Variants in GPHN observed in about 807,000 individuals in gnomAD.
GPHN encodes the protein gephyrin.
Under a neutral mutation model 95.5 loss-of-function variants are expected in GPHN, and 17 were observed. That is an observed-to-expected ratio of 0.18 (90% CI 0.12 to 0.27). The LOEUF is 0.27. GPHN is among the 10% of genes least tolerant of loss of function. GPHN has a pLI of 1.00. For missense variants in GPHN, 660 were observed against 978.1 expected, an observed-to-expected ratio of 0.67 and a Z score of 4.34; for synonymous variants, 320 against 322.5, an observed-to-expected ratio of 0.99 and a Z score of 0.08.
rs2076117352 is a variant in GPHN at position 67,067,668 on chromosome 14, C to T, written c.1144+8882C>T. Among the ~76,000 whole-genome samples the T allele has an allele frequency of 2.0e-5, 3 of 152,090 alleles. No individual in the cohort carries two copies. The South Asian group carries it at 6.2e-4, about 32-fold the overall frequency. ...CTCAAGCCTCAGCAATGGTGGATGCCCCTCCCCCCGCCAGGCTGCAGCCTG... is the reference window on the plus strand; with the variant it reads ...CTCAAGCCTCAGCAATGGTGGATGCTCCTCCCCCCGCCAGGCTGCAGCCTG... On this transcript the variant is annotated intron_variant, in intron 11 of 22. Coordinates refer to ENST00000478722, the MANE Select transcript of GPHN (RefSeq NM_020806.5).
At chr14:67,712,047 G>T in the GPHN span, among the ~76,000 whole-genome samples, 2 of 152,126 alleles carry the variant, frequency 1.3e-5, no homozygotes, top group African/African-American at 4.8e-5. Flanking sequence ...AGCCCCCTGA[G>T]TAGTTGGGAT....
At chr14:67,303,534 G>C in the GPHN span, 1 of 1,613,010 alleles carries the variant, frequency 6.2e-7, no homozygotes, top group Non-Finnish European at 8.5e-7. Context: ...TGATATGCAT[G>C]GTACTTTGAC....
chr14:66,985,408 A>T (rs1162312470), intron 9 of GPHN, among the ~76,000 whole-genome samples: 1 of 152,080 alleles, frequency 6.6e-6, no homozygotes, highest in South Asian at 2.1e-4. Context: ...ACTACTCCAG[A>T]TACTGCTTCA....
intron 3 of GPHN, among the ~76,000 whole-genome samples, chr14:66,822,358 C>T (rs1222678149): frequency 6.6e-6 from 1 of 152,210 alleles, no homozygotes; most frequent in African/African-American, 2.4e-5. Context: ...TTTTCAGTTG[C>T]TGGCTACATT....
At chr14:66,633,180 G>A (rs1387228512) in intron 1 of GPHN, among the ~76,000 whole-genome samples, 5 of 151,904 alleles carry the variant, frequency 3.3e-5, no homozygotes, top group Admixed American at 1.3e-4. Flanking sequence ...TTCTGATTAG[G>A]CCATTTTCTT....
intron 1 of GPHN, among the ~76,000 whole-genome samples, chr14:66,534,883 A>T (rs1252816128): frequency 6.6e-6 from 1 of 152,142 alleles, no homozygotes; most frequent in African/African-American, 2.4e-5. Flanking sequence ...TATTCTGAAT[A>T]TGAGACCTTT....
At chr14:67,580,761 G>C in the GPHN span, 1 of 575,428 alleles carries the variant, frequency 1.7e-6, no homozygotes. Context: ...CTGTTTGTGA[G>C]GGAGCTGCTG....
chr14:67,280,826 T>TCCTC, the GPHN span, among the ~76,000 whole-genome samples: 2 of 129,692 alleles, frequency 1.5e-5, no homozygotes, highest in African/African-American at 6.7e-5. Context: ...CTTCCTTCCT[T>TCCTC]CCTTCCTTCC....
chr14:67,366,701 T>C, the GPHN span, among the ~76,000 whole-genome samples: 3,161 of 152,314 alleles, frequency 0.021, 43 homozygotes, highest in Middle Eastern at 0.034. Flanking sequence ...TAGAGAATTA[T>C]GTCCTCCTAG....
At chr14:67,443,280 T>C in the GPHN span, among the ~76,000 whole-genome samples, 202 of 152,260 alleles carry the variant, frequency 1.3e-3, no homozygotes, top group African/African-American at 4.7e-3. Context: ...ATTACAAATC[T>C]ATTTGTTTTA....
chr14:67,628,480 A>G, the GPHN span, among the ~76,000 whole-genome samples: 25 of 152,374 alleles, frequency 1.6e-4, no homozygotes, highest in South Asian at 1.9e-3. Context: ...AGGGAAATCT[A>G]TAATAGACAC....
the GPHN span, among the ~76,000 whole-genome samples, chr14:67,568,519 T>C: frequency 4.6e-4 from 70 of 152,074 alleles, no homozygotes; most frequent in Non-Finnish European, 8.7e-4. Flanking sequence ...TGATGGGTTG[T>C]TAGGTGCAGT....
At chr14:66,510,231 A>C (rs1193514287) in intron 1 of GPHN, among the ~76,000 whole-genome samples, 2 of 152,226 alleles carry the variant, frequency 1.3e-5, no homozygotes, top group African/African-American at 4.8e-5. Context: ...TCTACCCTCA[A>C]CTTGCACTTT....
At chr14:67,726,641 C>A in the GPHN span, among the ~76,000 whole-genome samples, 2 of 152,230 alleles carry the variant, frequency 1.3e-5, no homozygotes, top group Non-Finnish European at 2.9e-5. Context: ...CAAATGTTAT[C>A]TTCCCTGACT....
chr14:67,485,030 A>G, the GPHN span, among the ~76,000 whole-genome samples: 2 of 152,240 alleles, frequency 1.3e-5, no homozygotes, highest in Admixed American at 6.5e-5. Context: ...TCCCATTTCT[A>G]CTACTACAGA....
chr14:66,958,754 A>G (rs72730425), intron 8 of GPHN, among the ~76,000 whole-genome samples: 3,686 of 152,306 alleles, frequency 0.024, 72 homozygotes, highest in Non-Finnish European at 0.036. Context: ...CCATTATGCA[A>G]TGCATGATTC....
At chr14:66,960,339 T>A (rs1289569845) in intron 8 of GPHN, among the ~76,000 whole-genome samples, 1 of 151,746 alleles carries the variant, frequency 6.6e-6, no homozygotes, top group Admixed American at 6.6e-5. Context: ...TGCTTCATAA[T>A]TTTTTGTTGA....
the GPHN span, among the ~76,000 whole-genome samples, chr14:67,704,723 T>C: frequency 6.6e-6 from 1 of 152,196 alleles, no homozygotes; most frequent in Admixed American, 6.5e-5. Flanking sequence ...GGAAACAATT[T>C]ACAAAGCTTC....
chr14:67,025,561 G>A (rs1271085854), intron 10 of GPHN, among the ~76,000 whole-genome samples: 1 of 152,134 alleles, frequency 6.6e-6, no homozygotes, highest in Non-Finnish European at 1.5e-5. Flanking sequence ...GAATAAAAAG[G>A]AAACAAAATT....
Sources: gnomAD v4.1 joint callset for allele counts (sites outside exome capture counted in the v4.1 genomes callset) on GRCh38, gnomAD v4.1.1 for gene constraint, MANE v1.5 for transcripts, NCBI Gene and HGNC (gene_info 2026-07-23, HGNC 2026-07-21) for gene names.